DNAAF11: variants seen among roughly 807,000 people sequenced by gnomAD.
DNAAF11 encodes the protein dynein axonemal assembly factor 11.
DNAAF11 carries 45 observed loss-of-function variants against 60.8 expected under a neutral mutation model. That is an observed-to-expected ratio of 0.74 (90% CI 0.58 to 0.95). DNAAF11 has a LOEUF of 0.95. Ranked by LOEUF, DNAAF11 falls within the 40% of genes least tolerant of loss-of-function variation. The pLI, the probability that DNAAF11 is intolerant of heterozygous loss-of-function variation, is 0.00. For missense variants in DNAAF11, 546 were observed against 546.2 expected (o/e 1.00, Z 0.00); for synonymous variants, 191 against 183.5 (o/e 1.04, Z -0.33).
At chr8:132,672,703 G>A (rs1825301264) in intron 1 of DNAAF11, among the ~76,000 whole-genome samples, 1 of 152,188 alleles carries the variant, frequency 6.6e-6, no homozygotes, top group African/African-American at 2.4e-5. Flanking sequence ...AAGGCAATAA[G>A]CAGCTCAATA....
In DNAAF11 at chr8:132,625,362, A is replaced by AATTCCAAG. The variant is rs771548650; in HGVS notation, c.738_745dup (p.Phe249SerfsTer33). On this transcript the variant is annotated frameshift_variant, in exon 6 of 12. Coordinates refer to ENST00000620350, the MANE Select transcript of DNAAF11 (RefSeq NM_012472.6). LOFTEE classifies it high-confidence loss of function. ...AGTAAACAAACAGGGCTTATTCCAG[A>AATTCCAAG]ATTCCAAGTCATCTTCACTGTTGTC... 8 of 1,613,572 alleles carry AATTCCAAG rather than the reference A, an allele frequency of 5.0e-6. No homozygotes were observed. The highest frequency in any genetic ancestry group is 6.8e-6 in the Non-Finnish European group (8 of 1,179,672).
intron 9 of DNAAF11, 97 bp from the exon 10 acceptor site, chr8:132,610,358 AT>A: frequency 1.3e-6 from 1 of 748,086 alleles, no homozygotes; most frequent in East Asian, 2.5e-5. Flanking sequence ...AAGATACACC[AT>A]TCAATTAAGA....
At chr8:132,592,976 G>A (rs531866808) in intron 10 of DNAAF11, among the ~76,000 whole-genome samples, 1 of 152,046 alleles carries the variant, frequency 6.6e-6, no homozygotes, top group East Asian at 2.0e-4. Context: ...TATTTAGGAA[G>A]TAACAGAAGC....
intron 2 of DNAAF11, among the ~76,000 whole-genome samples, chr8:132,660,460 G>A (rs1435714774): frequency 5.9e-5 from 9 of 152,196 alleles, no homozygotes; most frequent in Admixed American, 5.9e-4. Flanking sequence ...CATAGAGGGA[G>A]GCGGGAGAGG....
chr8:132,628,086 GC>G (rs1820453474), intron 5 of DNAAF11, among the ~76,000 whole-genome samples: 1 of 152,186 alleles, frequency 6.6e-6, no homozygotes, highest in African/African-American at 2.4e-5. Flanking sequence ...CTCAAACCCA[GC>G]CCCTTCTACC....
Position 132,650,453 on chromosome 8 carries a change from C to T in DNAAF11, c.256+6377G>A, listed in dbSNP as rs191173324. ...TAATGGGTGCAGCACACCAACATGG[C>T]ACATGTATACATATGTAACAAACCT... On this transcript the variant is annotated intron_variant, in intron 3 of 11. Coordinates refer to ENST00000620350, the MANE Select transcript of DNAAF11 (RefSeq NM_012472.6). Among the ~76,000 whole-genome samples, 555 of 152,188 alleles carry T rather than the reference C, an allele frequency of 3.6e-3. 3 individuals are homozygous for T. Among genetic ancestry groups the T allele is most frequent in the African/African-American group, 0.013 (522 of 41,520 alleles).
chr8:132,572,369 T>G lies in DNAAF11; in HGVS notation c.1338A>C (p.Lys446Asn), dbSNP rs1563951847. ...TTGGGTCTTCCTCACTTGGTATAAT[T>G]TTGGGTTCAGGTCGTCTTCTGGGTG... ...KHTPRRRPEP[K>N]IIPSEEDPTF... Residue 446 changes from lysine to asparagine, a missense_variant, in exon 12 of 12, where the codon AAA becomes AAC. Transcript: ENST00000620350. 5 of 1,614,032 alleles carry G rather than the reference T, an allele frequency of 3.1e-6. No homozygotes were observed. Among genetic ancestry groups the G allele is most frequent in the Non-Finnish European group, 4.2e-6 (5 of 1,179,960 alleles).
At chr8:132,633,888 GCCTGAAGAAAGAATAAC>G (rs1230447621) in intron 4 of DNAAF11, among the ~76,000 whole-genome samples, 1 of 152,146 alleles carries the variant, frequency 6.6e-6, no homozygotes, top group African/African-American at 2.4e-5. Context: ...CTCTCCTAGA[GCCTGAAGAAAGAATAAC>G]CCTGCCAACA....
chr8:132,579,242 C>T (rs2357510), intron 11 of DNAAF11, among the ~76,000 whole-genome samples: 12,985 of 152,206 alleles, frequency 0.085, 713 homozygotes, highest in South Asian at 0.14. Flanking sequence ...AAGCAAGTTC[C>T]CTGTGCACTG....
At chr8:132,646,569 A>G (rs1822410573) in intron 3 of DNAAF11, among the ~76,000 whole-genome samples, 1 of 152,232 alleles carries the variant, frequency 6.6e-6, no homozygotes. Context: ...AAGACCCATC[A>G]GTGTGCTGTA....
chr8:132,591,445 T>C (rs959728292), intron 10 of DNAAF11, among the ~76,000 whole-genome samples: 1 of 147,414 alleles, frequency 6.8e-6, no homozygotes, highest in African/African-American at 2.6e-5. Context: ...GATAATAAGA[T>C]GAAAAATATA....
chr8:132,610,847 CTGTT>C (rs1818589128), intron 9 of DNAAF11, among the ~76,000 whole-genome samples: 1 of 152,060 alleles, frequency 6.6e-6, no homozygotes, highest in African/African-American at 2.4e-5. Context: ...AAATAGCACT[CTGTT>C]TCATTTCCCT....
At chr8:132,646,657 G>A (rs1481769729) in intron 3 of DNAAF11, among the ~76,000 whole-genome samples, 1 of 151,942 alleles carries the variant, frequency 6.6e-6, no homozygotes, top group East Asian at 1.9e-4. Flanking sequence ...CCAAGCAAAT[G>A]GAAAACAAAA....
chr8:132,629,433 C>T (rs1248524692), intron 5 of DNAAF11, among the ~76,000 whole-genome samples: 2 of 151,676 alleles, frequency 1.3e-5, no homozygotes, highest in South Asian at 2.1e-4. Context: ...CTGCAAGCTC[C>T]GCCTCCTGGG....
At chr8:132,592,296 C>T (rs113157691) in intron 10 of DNAAF11, among the ~76,000 whole-genome samples, 1,574 of 152,242 alleles carry the variant, frequency 0.01, 29 homozygotes, top group African/African-American at 0.036. Flanking sequence ...ACAGACATAT[C>T]CTAGCTTTGG....
chr8:132,582,887 T>C (rs1003530999), intron 11 of DNAAF11, among the ~76,000 whole-genome samples: 4 of 152,112 alleles, frequency 2.6e-5, no homozygotes, highest in Admixed American at 1.3e-4. Flanking sequence ...AGAAGGACAG[T>C]TGGAAGAACT....
At position 132,625,278 on chromosome 8, in the gene DNAAF11, T is replaced by A; in HGVS notation, c.830A>T (p.Lys277Ile). The A allele has an allele frequency of 6.3e-7, 1 of 1,599,506 alleles. No homozygotes were observed. The highest frequency in any genetic ancestry group is 8.5e-7 in the Non-Finnish European group (1 of 1,173,780). ...HMEKQRKKQEKLSEKKKKVKP... is the reference protein window; with the variant it reads ...HMEKQRKKQEILSEKKKKVKP... ...CTAGGAAAGAATGAAATACCTTAATTTTTCCTGTTTCTTCCGTTGTTTTTC... is the reference window on the plus strand; with the variant it reads ...CTAGGAAAGAATGAAATACCTTAATATTTCCTGTTTCTTCCGTTGTTTTTC... Residue 277 changes from lysine to isoleucine, a missense_variant, in exon 6 of 12, where the codon AAA becomes ATA. Transcript: ENST00000620350.
At position 132,654,136 on chromosome 8, in the gene DNAAF11, A is replaced by G. The variant is rs528818922; in HGVS notation, c.256+2694T>C. On this transcript the variant is annotated intron_variant, in intron 3 of 11. Coordinates refer to ENST00000620350, the MANE Select transcript of DNAAF11 (RefSeq NM_012472.6). ...GAGCTGGAGTGACTATATTAATACC[A>G]GACAAAATAGACTTTAAGGCAAACA... Among the ~76,000 whole-genome samples the G allele has an allele frequency of 3.7e-3, 557 of 152,238 alleles. 3 individuals are homozygous for G. The highest frequency in any genetic ancestry group is 0.013 in the African/African-American group (524 of 41,576).
chr8:132,693,707 T>C, the DNAAF11 span, among the ~76,000 whole-genome samples: 20 of 152,096 alleles, frequency 1.3e-4, no homozygotes, highest in African/African-American at 4.8e-4. Context: ...GGAGGGTTGC[T>C]TCCTTATTTA....
Sources: allele counts gnomAD v4.1 joint callset (sites outside exome capture counted in the v4.1 genomes callset), GRCh38; gene constraint gnomAD v4.1.1; transcripts MANE v1.5; gene names NCBI Gene and HGNC (gene_info 2026-07-23, HGNC 2026-07-21).